Variants in TRIOBP observed in about 807,000 individuals in gnomAD.
TRIOBP encodes the protein TRIO and F-actin-binding protein.
In TRIOBP, 169 loss-of-function variants were observed where a neutral mutation model predicts 238.8. That is an observed-to-expected ratio of 0.71 (90% confidence interval 0.62 to 0.80). The LOEUF is 0.80. TRIOBP is among the 30% of genes least tolerant of loss of function. The pLI, the probability that TRIOBP is intolerant of heterozygous loss-of-function variation, is 0.00. For synonymous variants in TRIOBP, 1,150 were observed against 1,274.4 expected, an observed-to-expected ratio of 0.90 and a Z score of 2.08; for missense variants, 2,838 against 3,122.6, an observed-to-expected ratio of 0.91 and a Z score of 2.17.
chr22:37,762,523 C>T (rs945921644), intron 17 of TRIOBP, among the ~76,000 whole-genome samples: 12 of 152,226 alleles, frequency 7.9e-5, no homozygotes, highest in African/African-American at 2.7e-4. Flanking sequence ...TATAGGCAGA[C>T]CTGTGTCTGG....
rs201366137 is a variant in TRIOBP at position 37,734,635 on chromosome 22, G to A, written c.4299G>A (p.Pro1433=). The change falls in exon 9 of 24, where the codon CCG becomes CCA. Residue 1433 remains proline (P), a synonymous_variant. Transcript: ENST00000644935. ...GGGTGTGGCAGAGTCAGGAGGAACC[G>A]CCAGGGTCCCAGGGCCCTCATAGAC... ...PLGVWQSQEE[P]PGSQGPHRHL... 86 of 1,589,850 alleles carry A rather than the reference G, an allele frequency of 5.4e-5. No individual in the cohort carries two copies. In the African/African-American group the frequency reaches 9.2e-4, roughly 17 times the overall value.
Position 37,758,098 on chromosome 22 carries a change from G to A in TRIOBP, c.6173G>A (p.Arg2058Gln), listed in dbSNP as rs9610842. The A allele has an allele frequency of 6.8e-6, 11 of 1,611,114 alleles. No individual in the cohort carries two copies. Among genetic ancestry groups the A allele is most frequent in the East Asian group, 2.2e-5 (1 of 44,876 alleles). ...CTCAACCAAAGCCGCGGAGAGCGCC[G>A]AGGGCCCCCAAGTGACGGCCACGAG... ...ALLNQSRGER[R>Q]GPPSDGHEAL... The change falls in exon 16 of 24, where the codon CGA (arginine) becomes CAA (glutamine). Residue 2058 changes from arginine to glutamine, a missense_variant. By Grantham distance (43) the Arg-to-Gln change is conservative. Around this residue, in one of 5 missense-constraint regions of TRIOBP, gnomAD observed 2,096 missense variants for 2,137.4 expected, o/e 0.98. Transcript: ENST00000644935.
At chr22:37,746,040 CCCA>C (rs1569051554) in intron 11 of TRIOBP, among the ~76,000 whole-genome samples, 21 of 83,326 alleles carry the variant, frequency 2.5e-4, no homozygotes, top group African/African-American at 5.5e-4. Flanking sequence ...GCCCCATCCG[CCCA>C]CCCCGCCGTC....
chr22:37,751,087 C>A, intron 11 of TRIOBP: 1 of 425,588 alleles, frequency 2.3e-6, no homozygotes. Context: ...TCAGGATGAG[C>A]AACTTCTTTA....
intron 15 of TRIOBP, among the ~76,000 whole-genome samples, chr22:37,756,769 G>C (rs1019484222): frequency 1.7e-4 from 26 of 150,034 alleles, no homozygotes; most frequent in Non-Finnish European, 2.1e-4. Context: ...TTTTTGGCAG[G>C]GTGACCACGT....
At chr22:37,738,906 G>C (rs1208360639) in intron 10 of TRIOBP, among the ~76,000 whole-genome samples, 187 bp downstream of exon 10, 1 of 152,148 alleles carries the variant, frequency 6.6e-6, no homozygotes, top group African/African-American at 2.4e-5. Context: ...TCTGGCTTGG[G>C]GACCTGGGTA....
intron 23 of TRIOBP, among the ~76,000 whole-genome samples, chr22:37,772,990 G>A (rs1396204886): frequency 1.3e-5 from 2 of 152,180 alleles, no homozygotes; most frequent in African/African-American, 2.4e-5. Context: ...AGAGCTGGGC[G>A]GCACAGTGCA....
chr22:37,739,125 A>G (rs1395803892), intron 10 of TRIOBP, among the ~76,000 whole-genome samples: 2 of 152,104 alleles, frequency 1.3e-5, no homozygotes, highest in Admixed American at 1.3e-4. Context: ...CCAGTCAGCC[A>G]GGCCTGGAGG....
chr22:37,771,554 G>T, intron 21 of TRIOBP, 96 bp from the exon 22 acceptor site: 2 of 1,091,530 alleles, frequency 1.8e-6, no homozygotes, highest in African/African-American at 1.5e-5. Flanking sequence ...CTGCATTCTA[G>T]GGGCCTGAGG....
In TRIOBP at chr22:37,725,547, C is replaced by T. The variant is rs200913574; in HGVS notation, c.2991C>T (p.Pro997=). The part of the protein sequence containing the change: ...STSRTSSPVY[P]AAYGAPLTSP... ...CCCGAACTTCCTCACCTGTGTACCC[C>T]GCTGCCTATGGGGCTCCCCTGACCT... Residue 997 remains proline, a synonymous_variant, in exon 7 of 24, where the codon CCC becomes CCT. Coordinates refer to ENST00000644935, the MANE Select transcript of TRIOBP (RefSeq NM_001039141.3). 99 of 1,613,714 alleles carry T rather than the reference C, an allele frequency of 6.1e-5. No homozygotes were observed. The East Asian group carries it at 1.4e-3, about 23-fold the overall frequency.
chr22:37,739,467 A>C (rs1046213804), intron 10 of TRIOBP, among the ~76,000 whole-genome samples: 2 of 152,280 alleles, frequency 1.3e-5, no homozygotes, highest in African/African-American at 4.8e-5. Flanking sequence ...CCGTGAGTCA[A>C]AGCTGGGGGA....
chr22:37,756,621 C>T (rs565267191), intron 15 of TRIOBP, among the ~76,000 whole-genome samples: 2 of 152,288 alleles, frequency 1.3e-5, no homozygotes, highest in South Asian at 4.1e-4. Flanking sequence ...TTCATGTCTC[C>T]CTTCAGAACA....
intron 7 of TRIOBP, among the ~76,000 whole-genome samples, chr22:37,729,355 A>C (rs1924320006): frequency 6.6e-6 from 1 of 152,004 alleles, no homozygotes. Context: ...AGCTGGGACT[A>C]CAGGCGTGTA....
At chr22:37,718,949 C>T (rs1178153719) in intron 6 of TRIOBP, among the ~76,000 whole-genome samples, 1 of 145,614 alleles carries the variant, frequency 6.9e-6, no homozygotes, top group African/African-American at 2.5e-5. Flanking sequence ...TGGGTTCAAG[C>T]GATTCTCCTG....
At chr22:37,760,784 G>A (rs930163152) in intron 17 of TRIOBP, among the ~76,000 whole-genome samples, 1 of 152,004 alleles carries the variant, frequency 6.6e-6, no homozygotes, top group Admixed American at 6.6e-5. Flanking sequence ...GACTAACCTG[G>A]CCAACATGGT....
Position 37,710,335 on chromosome 22 carries a change from G to A in TRIOBP, c.115-92G>A, listed in dbSNP as rs894893266. ...TGCAGGATCCCCCGAGGAGATGCCT[G>A]GAGACTCCCACGCCACCGGGAGGGG... On this transcript the variant is annotated intron_variant, in intron 3 of 23. Transcript: ENST00000644935. 37 of 1,572,486 alleles carry A rather than the reference G, an allele frequency of 2.4e-5. No homozygotes were observed. In the African/African-American group the frequency reaches 4.3e-4, roughly 18 times the overall value.
At chr22:37,733,443 A>C (rs1601638404) in intron 8 of TRIOBP, 31 bp downstream of exon 8, 2 of 1,515,046 alleles carry the variant, frequency 1.3e-6, no homozygotes, top group Non-Finnish European at 1.8e-6. Flanking sequence ...GGGGCCCCGC[A>C]CCCCAAGGGG....
chr22:37,762,192 T>C (rs1307123371), intron 17 of TRIOBP, among the ~76,000 whole-genome samples: 1 of 152,158 alleles, frequency 6.6e-6, no homozygotes, highest in Non-Finnish European at 1.5e-5. Flanking sequence ...CTCAGCCTCC[T>C]GAGTAGGAAC....
chr22:37,731,895 C>G (rs1924439017), intron 7 of TRIOBP, among the ~76,000 whole-genome samples: 1 of 152,226 alleles, frequency 6.6e-6, no homozygotes, highest in Non-Finnish European at 1.5e-5. Flanking sequence ...CTGCCCAATC[C>G]CATACTTTTG....
Sources: gnomAD v4.1 joint callset for allele counts (sites outside exome capture counted in the v4.1 genomes callset) on GRCh38, gnomAD v4.1.1 for gene constraint, gnomAD v4.1.1 regional missense constraint, MANE v1.5 for transcripts, NCBI Gene and HGNC (gene_info 2026-07-23, HGNC 2026-07-21) for gene names.